The following KCNQ3 variants were observed in gnomAD, a reference collection of about 807,000 sequenced individuals.
KCNQ3 encodes potassium voltage-gated channel subfamily Q member 3.
A neutral mutation model predicts 92.5 loss-of-function variants in KCNQ3; 30 were observed. That is an observed-to-expected ratio of 0.32 (90% CI 0.24 to 0.44). The LOEUF (loss-of-function observed/expected upper bound fraction) is 0.44, where lower values mean the gene tolerates loss of function less well. KCNQ3 is among the 20% of genes least tolerant of loss of function. The pLI is 1.00. For missense variants in KCNQ3, 913 were observed against 1,140.3 expected, an observed-to-expected ratio of 0.80 and a Z score of 2.87; for synonymous variants, 450 against 468.8, an observed-to-expected ratio of 0.96 and a Z score of 0.52.
chr8:132,173,532 C>T (rs2130125103), intron 6 of KCNQ3, among the ~76,000 whole-genome samples: 1 of 152,042 alleles, frequency 6.6e-6, no homozygotes, highest in Admixed American at 6.5e-5. Context: ...AGCCTTGTGG[C>T]TGTAGAAAAT....
intron 10 of KCNQ3, chr8:132,140,670 G>A: frequency 8.0e-6 from 2 of 251,274 alleles, no homozygotes; most frequent in East Asian, 2.1e-4. Flanking sequence ...AGACACTGAG[G>A]AAACAGGCTT....
At chr8:132,209,680 C>T (rs751128578) in intron 1 of KCNQ3, among the ~76,000 whole-genome samples, 1 of 152,094 alleles carries the variant, frequency 6.6e-6, no homozygotes, top group Non-Finnish European at 1.5e-5. Flanking sequence ...CAATAACTTG[C>T]ATAAAATATT....
chr8:132,163,694 C>T (rs1055923810), intron 8 of KCNQ3, among the ~76,000 whole-genome samples, 200 bp from the exon 9 acceptor site: 3 of 152,184 alleles, frequency 2.0e-5, no homozygotes, highest in African/African-American at 7.2e-5. Context: ...CTCCCGTTGG[C>T]TCTGAGGTTT....
At chr8:132,365,945 G>C (rs575532979) in intron 1 of KCNQ3, among the ~76,000 whole-genome samples, 9 of 152,252 alleles carry the variant, frequency 5.9e-5, no homozygotes, top group Admixed American at 4.6e-4. Context: ...GAGGGAGGAT[G>C]GTTTGAGCCC....
At position 132,130,084 on chromosome 8, in the gene KCNQ3, G is replaced by T. The variant is rs2469623; in HGVS notation, c.1885-88C>A. The T allele has an allele frequency of 6.2e-3, 7,055 of 1,138,518 alleles. 19 individuals are homozygous for T. Among genetic ancestry groups the T allele is most frequent in the Admixed American group, 0.022 (907 of 40,806 alleles). The allele number at this position is 1,138,518 out of a possible 1,614,324, so 70.5% of individuals were successfully genotyped here. On this transcript the variant is annotated intron_variant, in intron 14 of 14. Coordinates refer to ENST00000388996, the MANE Select transcript of KCNQ3 (RefSeq NM_004519.4). ...TTGGGAGGAAATATTCTTTTTTTTT[G>T]TTTTTTTTTTTTTTTTGAGACGAAG...
chr8:132,156,523 A>G (rs73355072), intron 9 of KCNQ3, among the ~76,000 whole-genome samples: 1 of 152,114 alleles, frequency 6.6e-6, no homozygotes, highest in Non-Finnish European at 1.5e-5. Flanking sequence ...CACAGGTTCA[A>G]ATCTCAGCCC....
At chr8:132,253,202 T>C (rs1815473923) in intron 1 of KCNQ3, among the ~76,000 whole-genome samples, 1 of 152,186 alleles carries the variant, frequency 6.6e-6, no homozygotes, top group South Asian at 2.1e-4. Flanking sequence ...GAGTTTGACT[T>C]ACAGCAGAAA....
chr8:132,129,098 G>C lies in KCNQ3; in HGVS notation c.*164C>G, dbSNP rs1824763794. 2 of 701,126 alleles carry C rather than the reference G, an allele frequency of 2.9e-6. No individual in the cohort carries two copies. The highest frequency in any genetic ancestry group is 4.8e-6 in the Non-Finnish European group (2 of 413,908). 43.4% of individuals were successfully genotyped at this position (701,126 alleles called of 1,614,324 possible). Reference sequence around the variant, plus strand: ...GAAGCACTTTGTTGTGGTGACATGGGGAGGAAGAGGCTGTGGGAAGCCCCT... The same window carrying C: ...GAAGCACTTTGTTGTGGTGACATGGCGAGGAAGAGGCTGTGGGAAGCCCCT... On this transcript the variant is annotated 3_prime_UTR_variant, in exon 15 of 15. Transcript: ENST00000388996. This position sits in a 1 kb window ranked among gnomAD's most constrained non-coding sequence, Gnocchi z 5.9.
chr8:132,456,314 T>C (rs1341079206), intron 1 of KCNQ3, among the ~76,000 whole-genome samples: 2 of 152,190 alleles, frequency 1.3e-5, no homozygotes, highest in East Asian at 1.9e-4. Flanking sequence ...GCAATATTCC[T>C]GGAACAAGCC....
At chr8:132,223,368 C>T (rs1759734926) in intron 1 of KCNQ3, among the ~76,000 whole-genome samples, 1 of 152,160 alleles carries the variant, frequency 6.6e-6, no homozygotes. Context: ...TGTAATCCCA[C>T]GTGAGAGGAG....
intron 9 of KCNQ3, among the ~76,000 whole-genome samples, chr8:132,151,689 A>G (rs116556486): frequency 0.013 from 2,017 of 152,330 alleles, 41 homozygotes; most frequent in African/African-American, 0.045. Flanking sequence ...ATTCTATTTC[A>G]TAATGTCAAG....
chr8:132,406,480 C>A (rs147783164), intron 1 of KCNQ3, among the ~76,000 whole-genome samples: 1 of 152,060 alleles, frequency 6.6e-6, no homozygotes, highest in African/African-American at 2.4e-5. Context: ...AGTCTCACCC[C>A]CTCCACAATT....
At chr8:132,270,130 GAA>G (rs35906701) in intron 1 of KCNQ3, among the ~76,000 whole-genome samples, 2 of 148,262 alleles carry the variant, frequency 1.3e-5, no homozygotes, top group African/African-American at 5.0e-5. Context: ...TGATTTTCCT[GAA>G]AAAAAAAAAA....
intron 1 of KCNQ3, among the ~76,000 whole-genome samples, chr8:132,444,658 T>C (rs1489497719): frequency 6.6e-6 from 1 of 152,194 alleles, no homozygotes; most frequent in Non-Finnish European, 1.5e-5. Context: ...CTACGGGGAA[T>C]GTGGTATGAG....
chr8:132,184,615 C>A (rs1323549996), intron 2 of KCNQ3, among the ~76,000 whole-genome samples: 2 of 152,152 alleles, frequency 1.3e-5, no homozygotes, highest in African/African-American at 2.4e-5. Context: ...TTAAACCTGG[C>A]ACAGTGATTA....
chr8:132,466,673 G>A (rs1023086847), intron 1 of KCNQ3, among the ~76,000 whole-genome samples: 2 of 151,976 alleles, frequency 1.3e-5, no homozygotes, highest in Non-Finnish European at 2.9e-5. Flanking sequence ...AATTTGTCTT[G>A]GAATCACCTC....
chr8:132,396,150 A>T (rs1820186649), intron 1 of KCNQ3, among the ~76,000 whole-genome samples: 1 of 152,174 alleles, frequency 6.6e-6, no homozygotes, highest in African/African-American at 2.4e-5. Context: ...TTTCCGACCC[A>T]GGCAGTGGCC....
At chr8:132,338,222 G>A (rs570623332) in intron 1 of KCNQ3, among the ~76,000 whole-genome samples, 48 of 152,320 alleles carry the variant, frequency 3.2e-4, no homozygotes, top group African/African-American at 1.1e-3. Flanking sequence ...TGGAGGTGAG[G>A]AGGCTTAGGC....
In KCNQ3 at chr8:132,244,920, CAAA is replaced by C. The variant is rs35215337; in HGVS notation, c.387-58742_387-58740del. ...ACATAACCACAGCACCTCACTTGAC[CAAA>C]AAAAAAAAAAAAAAAAAGATGAAAA... On this transcript the variant is annotated intron_variant, in intron 1 of 14. Coordinates refer to ENST00000388996, the MANE Select transcript of KCNQ3 (RefSeq NM_004519.4). Among the ~76,000 whole-genome samples, 78 of 112,346 alleles carry C rather than the reference CAAA, an allele frequency of 6.9e-4. 1 individual carries two copies. Among genetic ancestry groups the C allele is most frequent in the African/African-American group, 2.6e-3 (70 of 27,214 alleles). 73.7% of individuals were successfully genotyped at this position (112,346 alleles called of 152,430 possible). A position where few individuals can be genotyped will look rare whatever the true frequency, so the allele number is the denominator to read the frequency against.
Sources: allele counts gnomAD v4.1 joint callset (sites outside exome capture counted in the v4.1 genomes callset), GRCh38; gene constraint gnomAD v4.1.1; non-coding constraint Gnocchi (gnomAD v3.1); transcripts MANE v1.5; gene names NCBI Gene and HGNC (gene_info 2026-07-23, HGNC 2026-07-21).